CANT1: variants seen among roughly 807,000 people sequenced by gnomAD.
CANT1 encodes the protein soluble calcium-activated nucleotidase 1.
A neutral mutation model predicts 30.0 loss-of-function variants in CANT1; 26 were observed. The observed-to-expected ratio is 0.87, with a 90% CI of 0.64 to 1.20. The LOEUF is 1.20. CANT1 is among the 50% of genes most tolerant of loss of function. The pLI is 0.00. For missense variants in CANT1, 518 were observed against 563.0 expected, an observed-to-expected ratio of 0.92 and a Z score of 0.81; for synonymous variants, 246 against 251.8, an observed-to-expected ratio of 0.98 and a Z score of 0.22.
rs762067904 is a variant in CANT1, at chr17:78,997,518, C to T, written c.105G>A (p.Ala35=). Residue 35 remains alanine, a synonymous_variant, in exon 3 of 5, where the codon GCG becomes GCA. Coordinates refer to ENST00000392446, the MANE Select transcript of CANT1 (RefSeq NM_001159773.2). This position sits in a 1 kb window ranked among gnomAD's most constrained non-coding sequence, Gnocchi z 7.5. The part of the protein sequence containing the change: ...LPVLASMTKA[A]DPRFRPRWKV... Reference sequence around the variant, plus strand: ...TCCAGCGGGGGCGGAAGCGGGGGTCCGCGGCCTTGGTCATGGACGCCAGCA... The same window carrying T: ...TCCAGCGGGGGCGGAAGCGGGGGTCTGCGGCCTTGGTCATGGACGCCAGCA... 19 of 1,568,350 alleles carry T rather than the reference C, an allele frequency of 1.2e-5. No homozygotes were observed. The highest frequency in any genetic ancestry group is 4.1e-5 in the African/African-American group (3 of 74,006).
chr17:78,993,659 T>C lies in CANT1; in HGVS notation c.1097A>G (p.Asp366Gly), dbSNP rs149663607. Residue 366 changes from aspartate to glycine, a missense_variant, in exon 5 of 5, where the codon GAC becomes GGC. Asp to Gly is a moderately conservative substitution (Grantham distance 94, BLOSUM62 -1). Around this residue, in one of 3 missense-constraint regions of CANT1, gnomAD observed 221 missense variants for 211.8 expected, o/e 1.04. Coordinates refer to ENST00000392446, the MANE Select transcript of CANT1 (RefSeq NM_001159773.2). This position sits in a 1 kb window ranked among gnomAD's most constrained non-coding sequence, Gnocchi z 4.5. ...QIIVALKSEE[D>G]SGRVASYIMA... ...GATGTAGGAGGCGACTCTGCCGCTG[T>C]CCTCCTCGGATTTGAGGGCCACAAT... 6.2e-7 allele frequency: 1 copy of C among 1,614,144 alleles called. No individual in the cohort carries two copies. Among genetic ancestry groups the C allele is most frequent in the Non-Finnish European group, 8.5e-7 (1 of 1,179,958 alleles).
At chr17:79,004,189 T>G (rs1304167129) in intron 1 of CANT1, among the ~76,000 whole-genome samples, 1 of 10,980 alleles carries the variant, frequency 9.1e-5, no homozygotes, top group Non-Finnish European at 2.1e-4. Flanking sequence ...AGAGGGGAGT[T>G]AGGGAGAGGG....
Position 78,993,438 on chromosome 17 carries a change from G to T in CANT1, c.*112C>A. 6.6e-7 allele frequency: 1 copy of T among 1,522,002 alleles called. No homozygotes were observed. Among genetic ancestry groups the T allele is most frequent in the Non-Finnish European group, 9.0e-7 (1 of 1,114,058 alleles). The allele number at this position is 1,522,002 out of a possible 1,614,324, so 94.3% of individuals were successfully genotyped here. On this transcript the variant is annotated 3_prime_UTR_variant, in exon 5 of 5. Transcript: ENST00000392446. This position sits in a 1 kb window ranked among gnomAD's most constrained non-coding sequence, Gnocchi z 4.5. ...GGCCCGGGACTGGGCTCCCTGTCCA[G>T]ACCTCCAACCCAGGCACAGTTCCAA... is the stretch of plus-strand genomic sequence containing the variant.
rs1201270327 is a variant in CANT1 at position 78,993,524 on chromosome 17, G to T, written c.*26C>A. 6.2e-7 allele frequency: 1 copy of T among 1,614,004 alleles called. No individual in the cohort carries two copies. The highest frequency in any genetic ancestry group is 8.5e-7 in the Non-Finnish European group (1 of 1,180,026). ...TTTTTATAAAAGCTGAGTCCTGATG[G>T]CCTTGCTCAGTGTTTCCGTTTTGAG... On this transcript the variant is annotated 3_prime_UTR_variant, in exon 5 of 5. Coordinates refer to ENST00000392446, the MANE Select transcript of CANT1 (RefSeq NM_001159773.2). This position sits in a 1 kb window ranked among gnomAD's most constrained non-coding sequence, Gnocchi z 4.5.
At chr17:79,006,731 G>C (rs186430671) in intron 1 of CANT1, among the ~76,000 whole-genome samples, 193 of 152,332 alleles carry the variant, frequency 1.3e-3, no homozygotes, top group African/African-American at 3.4e-3. Flanking sequence ...ACACATCTGG[G>C]AAGGTGTCCT....
rs1047991438 is a variant in CANT1, at chr17:78,991,970, A to G, written c.*1580T>C. The G allele has an allele frequency of 4.3e-6, 1 of 231,208 alleles. No homozygotes were observed. Among genetic ancestry groups the G allele is most frequent in the Non-Finnish European group, 8.6e-6 (1 of 116,928 alleles). 14.3% of individuals were successfully genotyped at this position (231,208 alleles called of 1,614,324 possible). On this transcript the variant is annotated 3_prime_UTR_variant, in exon 5 of 5. Coordinates refer to ENST00000392446, the MANE Select transcript of CANT1 (RefSeq NM_001159773.2). ...CCCCAACCTTCCTGATTGCATCTCT[A>G]TTTTAAATGACCCAGCCTGGACATC...
chr17:79,002,735 T>G lies in CANT1; in HGVS notation c.-146-4772A>C, dbSNP rs1159324879. 1.3e-5 allele frequency among the ~76,000 whole-genome samples: 2 copies of G among 152,228 alleles called. No homozygotes were observed. The highest frequency in any genetic ancestry group is 2.9e-5 in the Non-Finnish European group (2 of 68,044). On this transcript the variant is annotated intron_variant, in intron 1 of 4. Coordinates refer to ENST00000392446, the MANE Select transcript of CANT1 (RefSeq NM_001159773.2). The surrounding 1 kb of genome is among the most constrained non-coding windows in gnomAD (Gnocchi z 4.0). ...ATCACCCTCCACAAAACTGACAGAA[T>G]AATTTTTCCAAAAAGCAAGTCTGGA...
intron 4 of CANT1, 33 bp downstream of exon 4, chr17:78,994,985 G>A: frequency 6.5e-7 from 1 of 1,545,328 alleles, no homozygotes; most frequent in Non-Finnish European, 8.7e-7. Flanking sequence ...GGCTGTGGAA[G>A]CCACACTGTG....
At chr17:79,007,095 C>T (rs141305265) in intron 1 of CANT1, among the ~76,000 whole-genome samples, 14 of 152,362 alleles carry the variant, frequency 9.2e-5, no homozygotes, top group African/African-American at 3.1e-4. Flanking sequence ...TGCCTGGGAA[C>T]CAGGCGCTCC....
rs371048367 is a variant in CANT1, at chr17:78,995,225, GC to G, written c.632-5del. On this transcript the variant is annotated splice_polypyrimidine_tract_variant and splice_region_variant and intron_variant, in intron 3 of 4. Coordinates refer to ENST00000392446, the MANE Select transcript of CANT1 (RefSeq NM_001159773.2). The surrounding 1 kb of genome is among the most constrained non-coding windows in gnomAD (Gnocchi z 5.7). The stretch of plus-strand genomic sequence containing the variant: ...GCCAGCCATTCGGCCTTGAAGCCTG[GC>G]CAAGCAGAGTGTCCTTAGGCCCCGC... 1.9e-6 allele frequency: 3 copies of G among 1,612,664 alleles called. No individual in the cohort carries two copies. In the African/African-American group the frequency reaches 4.0e-5, roughly 21 times the overall value.
Position 78,996,629 on chromosome 17 carries a change from T to G in CANT1, c.631+363A>C, listed in dbSNP as rs539347680. ...CCCATGGCTTTCAGGGCAAGGCTCC[T>G]GGTAGGCACATCCTAGCGTGGTCTT... is the stretch of plus-strand genomic sequence containing the variant. On this transcript the variant is annotated intron_variant, in intron 3 of 4. Transcript: ENST00000392446. This position sits in a 1 kb window ranked among gnomAD's most constrained non-coding sequence, Gnocchi z 5.1. Among the ~76,000 whole-genome samples the G allele has an allele frequency of 6.6e-6, 1 of 152,256 alleles. No individual in the cohort carries two copies. Among genetic ancestry groups the G allele is most frequent in the Non-Finnish European group, 1.5e-5 (1 of 68,016 alleles).
chr17:78,993,344 G>T lies in CANT1; in HGVS notation c.*206C>A. ...AAGTGACCGAAATCACCACCAGATG[G>T]CAGCATGGAAAGCAGTTCAGACCGC... On this transcript the variant is annotated 3_prime_UTR_variant, in exon 5 of 5. Transcript: ENST00000392446. The surrounding 1 kb of genome is among the most constrained non-coding windows in gnomAD (Gnocchi z 4.5). 1 of 642,258 alleles carries T rather than the reference G, an allele frequency of 1.6e-6. No individual in the cohort carries two copies. The highest frequency in any genetic ancestry group is 2.7e-6 in the Non-Finnish European group (1 of 373,750). The allele number at this position is 642,258 out of a possible 1,614,324, so 39.8% of individuals were successfully genotyped here.
At position 78,997,286 on chromosome 17, in the gene CANT1, G is replaced by C; in HGVS notation, c.337C>G (p.Leu113Val). Residue 113 changes from leucine (L) to valine (V), a missense_variant, in exon 3 of 5, where the codon CTG becomes GTG. Coordinates refer to ENST00000392446, the MANE Select transcript of CANT1 (RefSeq NM_001159773.2). The surrounding 1 kb of genome is among the most constrained non-coding windows in gnomAD (Gnocchi z 7.5). Reference protein sequence around the residue: ...IRYRIAVIADLDTESRAQEEN... With the variant: ...IRYRIAVIADVDTESRAQEEN... The stretch of plus-strand genomic sequence containing the variant: ...TCTTGGGCCCTTGACTCTGTGTCCA[G>C]GTCTGCGATAACTGCGATTCGATAC... 1 of 1,614,218 alleles carries C rather than the reference G, an allele frequency of 6.2e-7. No homozygotes were observed. Among genetic ancestry groups the C allele is most frequent in the African/African-American group, 1.3e-5 (1 of 75,062 alleles).
Position 78,992,304 on chromosome 17 carries a change from C to T in CANT1, c.*1246G>A, listed in dbSNP as rs753847554. ...GGCCCACCGTGGCACCCCTGACGAT[C>T]GCGGGGTGGGGTAGGAGTGAGGGTG... On this transcript the variant is annotated 3_prime_UTR_variant, in exon 5 of 5. Transcript: ENST00000392446. The T allele has an allele frequency of 2.5e-4, 56 of 226,798 alleles. No individual in the cohort carries two copies. Among genetic ancestry groups the T allele is most frequent in the Non-Finnish European group, 4.3e-4 (49 of 113,960 alleles). The allele number at this position is 226,798 out of a possible 1,614,324, so 14.0% of individuals were successfully genotyped here.
rs543836058 is a variant in CANT1, at chr17:78,996,772, G to T, written c.631+220C>A. Among the ~76,000 whole-genome samples, 2 of 152,314 alleles carry T rather than the reference G, an allele frequency of 1.3e-5. No homozygotes were observed. Among genetic ancestry groups the T allele is most frequent in the East Asian group, 3.9e-4 (2 of 5,172 alleles). On this transcript the variant is annotated intron_variant, in intron 3 of 4. Transcript: ENST00000392446. This position sits in a 1 kb window ranked among gnomAD's most constrained non-coding sequence, Gnocchi z 5.1. ...GTCTCCCACAGGCCTCTAGCGATAA[G>T]CTCTTCCTCCTAGAAACTGCTCAGT...
Position 78,993,303 on chromosome 17 carries a change from C to A in CANT1, c.*247G>T, listed in dbSNP as rs2070897568. 1.8e-6 allele frequency: 1 copy of A among 554,356 alleles called. No homozygotes were observed. The highest frequency in any genetic ancestry group is 3.2e-6 in the Non-Finnish European group (1 of 309,532). The allele number at this position is 554,356 out of a possible 1,614,324, so 34.3% of individuals were successfully genotyped here. A position where few individuals can be genotyped will look rare whatever the true frequency, so the allele number is the denominator to read the frequency against. Reference sequence around the variant, plus strand: ...AAACGACCCAGCCAGTTAGGCAGGCCTTGAGTCAATGCCTGAAGTGACCGA... The same window carrying A: ...AAACGACCCAGCCAGTTAGGCAGGCATTGAGTCAATGCCTGAAGTGACCGA... On this transcript the variant is annotated 3_prime_UTR_variant, in exon 5 of 5. Coordinates refer to ENST00000392446, the MANE Select transcript of CANT1 (RefSeq NM_001159773.2). The surrounding 1 kb of genome is among the most constrained non-coding windows in gnomAD (Gnocchi z 4.5).
At chr17:79,007,834 G>C (rs546365972) in intron 1 of CANT1, among the ~76,000 whole-genome samples, 19 of 152,334 alleles carry the variant, frequency 1.2e-4, no homozygotes, top group South Asian at 1.0e-3. Context: ...GAAGAAAGGA[G>C]ACCTCTGGCA....
Position 78,992,549 on chromosome 17 carries a change from A to G in CANT1, c.*1001T>C, listed in dbSNP as rs2070875182. ...GAGGAGAAATAAAGGCCATGGAAAG[A>G]AACCCCAGGGAAGAGACAGGCCTCG... On this transcript the variant is annotated 3_prime_UTR_variant, in exon 5 of 5. Coordinates refer to ENST00000392446, the MANE Select transcript of CANT1 (RefSeq NM_001159773.2). 1 of 381,238 alleles carries G rather than the reference A, an allele frequency of 2.6e-6. No homozygotes were observed. The highest frequency in any genetic ancestry group is 4.5e-5 in the East Asian group (1 of 22,346). 23.6% of individuals were successfully genotyped at this position (381,238 alleles called of 1,614,324 possible).
chr17:79,006,500 A>G (rs1363065707), intron 1 of CANT1, among the ~76,000 whole-genome samples: 2 of 152,112 alleles, frequency 1.3e-5, no homozygotes, highest in Non-Finnish European at 2.9e-5. Flanking sequence ...TCCTCCACCA[A>G]TCACAGGAGG....
Sources: gnomAD v4.1 joint callset for allele counts (sites outside exome capture counted in the v4.1 genomes callset) on GRCh38, gnomAD v4.1.1 for gene constraint, gnomAD v4.1.1 regional missense constraint, Gnocchi (gnomAD v3.1) non-coding constraint, MANE v1.5 for transcripts, NCBI Gene and HGNC (gene_info 2026-07-23, HGNC 2026-07-21) for gene names.